PSME3IP1: variants seen among roughly 807,000 people sequenced by gnomAD.
PSME3IP1 encodes PSME3-interacting protein.
In PSME3IP1, 13 loss-of-function variants were observed where a neutral mutation model predicts 34.1. The observed-to-expected ratio is 0.38, with a 90% CI of 0.25 to 0.61. The LOEUF (loss-of-function observed/expected upper bound fraction) is 0.61, where lower values mean the gene tolerates loss of function less well. Among genes scored for constraint, PSME3IP1 ranks in the 20% least tolerant of loss-of-function variants. The pLI, the probability that PSME3IP1 is intolerant of heterozygous loss-of-function variation, is 0.60. For missense variants in PSME3IP1, 237 were observed against 301.4 expected, an observed-to-expected ratio of 0.79 and a Z score of 1.58; for synonymous variants, 93 against 114.3, an observed-to-expected ratio of 0.81 and a Z score of 1.19.
chr16:57,181,131 T>A (rs1482994163), intron 1 of PSME3IP1, among the ~76,000 whole-genome samples: 1 of 152,242 alleles, frequency 6.6e-6, no homozygotes, highest in African/African-American at 2.4e-5. Context: ...TGTGCATTTA[T>A]CTTGAATTCA....
intron 1 of PSME3IP1, among the ~76,000 whole-genome samples, chr16:57,181,944 T>C (rs2073754233): frequency 6.6e-6 from 1 of 152,182 alleles, no homozygotes; most frequent in Non-Finnish European, 1.5e-5. Flanking sequence ...TGGATTTTTA[T>C]GGAAGCTTCA....
intron 1 of PSME3IP1, among the ~76,000 whole-genome samples, chr16:57,177,961 C>T (rs2073349307): frequency 1.3e-5 from 2 of 152,164 alleles, no homozygotes; most frequent in South Asian, 4.1e-4. Context: ...TGCGCTCTAG[C>T]CTGGGCAACA....
chr16:57,185,080 G>A (rs1196677116), intron 1 of PSME3IP1, among the ~76,000 whole-genome samples: 1 of 152,192 alleles, frequency 6.6e-6, no homozygotes, highest in East Asian at 1.9e-4. Context: ...CGGGAATTCC[G>A]ATCACCAGGC....
At chr16:57,184,114 T>C (rs1357743905) in intron 1 of PSME3IP1, among the ~76,000 whole-genome samples, 3 of 152,128 alleles carry the variant, frequency 2.0e-5, no homozygotes, top group East Asian at 1.9e-4. Flanking sequence ...TTGCAATATA[T>C]GATTTAAGAT....
intron 6 of PSME3IP1, among the ~76,000 whole-genome samples, chr16:57,162,852 G>C (rs1304105353): frequency 2.6e-5 from 4 of 151,822 alleles, no homozygotes; most frequent in Admixed American, 2.6e-4. Context: ...CACATGCATA[G>C]AATAGCTCTT....
At chr16:57,178,231 C>G (rs2073373466) in intron 1 of PSME3IP1, among the ~76,000 whole-genome samples, 1 of 152,104 alleles carries the variant, frequency 6.6e-6, no homozygotes, top group Admixed American at 6.5e-5. Flanking sequence ...CCAGGAATGC[C>G]CTTGCTTTCT....
Position 57,167,238 on chromosome 16 carries a change from G to GT in PSME3IP1, c.349-13dup, listed in dbSNP as rs767065984. The GT allele has an allele frequency of 1.9e-6, 3 of 1,614,064 alleles. No homozygotes were observed. The highest frequency in any genetic ancestry group is 2.5e-6 in the Non-Finnish European group (3 of 1,180,022). Reference sequence around the variant, plus strand: ...TTCTTGAGGTTATTGTGAGTTACCAGTTAAGGGTCAAACTAAGCAAAAGGG... The same window carrying GT: ...TTCTTGAGGTTATTGTGAGTTACCAGTTTAAGGGTCAAACTAAGCAAAAGGG... On this transcript the variant is annotated splice_polypyrimidine_tract_variant and intron_variant, in intron 4 of 6. Transcript: ENST00000309137.
At chr16:57,181,545 AC>A (rs2073716829) in intron 1 of PSME3IP1, 1 of 152,222 alleles carries the variant, frequency 6.6e-6, no homozygotes, top group Non-Finnish European at 1.5e-5. Context: ...CAATTCTGAC[AC>A]TACCTACCTG....
At chr16:57,166,964 T>G in intron 5 of PSME3IP1, 129 bp downstream of exon 5, 2 of 988,388 alleles carry the variant, frequency 2.0e-6, no homozygotes, top group Non-Finnish European at 3.1e-6. Context: ...AAGGGAGAGA[T>G]AGGTGAGCAC....
At chr16:57,175,134 C>T (rs533533331) in intron 1 of PSME3IP1, among the ~76,000 whole-genome samples, 1 of 152,066 alleles carries the variant, frequency 6.6e-6, no homozygotes, top group African/African-American at 2.4e-5. Context: ...CCTGCCTCCG[C>T]CTCCTGACTA....
intron 4 of PSME3IP1, among the ~76,000 whole-genome samples, chr16:57,168,006 G>T (rs1205832973): frequency 1.3e-5 from 2 of 152,086 alleles, no homozygotes; most frequent in African/African-American, 4.8e-5. Context: ...GTGAAGAAAG[G>T]CCCCATATTT....
At chr16:57,162,168 T>C (rs754941537) in intron 6 of PSME3IP1, among the ~76,000 whole-genome samples, 7 of 152,164 alleles carry the variant, frequency 4.6e-5, no homozygotes, top group African/African-American at 7.2e-5. Flanking sequence ...TCCCAAAGTG[T>C]TGGGATTATA....
chr16:57,170,307 T>G (rs1432887254), intron 4 of PSME3IP1, among the ~76,000 whole-genome samples: 1 of 152,108 alleles, frequency 6.6e-6, no homozygotes, highest in East Asian at 1.9e-4. Flanking sequence ...GGTCTCAAAC[T>G]CCTGACCTCA....
intron 1 of PSME3IP1, among the ~76,000 whole-genome samples, chr16:57,184,565 G>A (rs1010700168): frequency 2.0e-5 from 3 of 152,152 alleles, no homozygotes; most frequent in South Asian, 4.1e-4. Context: ...TGGTGAACAC[G>A]TTGAAAATGC....
In PSME3IP1 at chr16:57,185,826, G is replaced by A. The variant is rs565808651; in HGVS notation, c.-21C>T. On this transcript the variant is annotated 5_prime_UTR_variant, in exon 1 of 7. Transcript: ENST00000309137. ...AGGACCGAGGCCGCACTCACCTACC[G>A]GCGCGCGGGAGGCGAGACGACCTCA... 13 of 985,112 alleles carry A rather than the reference G, an allele frequency of 1.3e-5. No homozygotes were observed. The South Asian group carries it at 3.8e-4, about 28-fold the overall frequency. 61.0% of individuals were successfully genotyped at this position (985,112 alleles called of 1,614,324 possible).
intron 6 of PSME3IP1, among the ~76,000 whole-genome samples, chr16:57,155,982 C>T (rs969421764): frequency 6.6e-6 from 1 of 151,730 alleles, no homozygotes; most frequent in Non-Finnish European, 1.5e-5. Context: ...AAAACAAACA[C>T]ACAAACAAAC....
intron 1 of PSME3IP1, chr16:57,185,406 T>C: frequency 3.0e-6 from 2 of 670,046 alleles, no homozygotes; most frequent in African/African-American, 2.0e-5. Flanking sequence ...ACACAATAAA[T>C]GTGCTTCCCA....
intron 1 of PSME3IP1, among the ~76,000 whole-genome samples, chr16:57,177,431 A>C (rs1170824248): frequency 6.6e-6 from 1 of 151,424 alleles, no homozygotes; most frequent in Non-Finnish European, 1.5e-5. Context: ...AAGCAATACA[A>C]TCTGCCCACC....
intron 4 of PSME3IP1, among the ~76,000 whole-genome samples, chr16:57,168,225 C>T (rs1473497656): frequency 6.6e-6 from 1 of 152,102 alleles, no homozygotes; most frequent in Non-Finnish European, 1.5e-5. Flanking sequence ...GAATTATCAG[C>T]CCAAAAAGGT....
Sources: gnomAD v4.1 joint callset for allele counts (sites outside exome capture counted in the v4.1 genomes callset) on GRCh38, gnomAD v4.1.1 for gene constraint, MANE v1.5 for transcripts, NCBI Gene and HGNC (gene_info 2026-07-23, HGNC 2026-07-21) for gene names.